MAP4K5: variants seen among roughly 807,000 people sequenced by gnomAD.
MAP4K5 encodes mitogen-activated protein kinase kinase kinase kinase 5.
Under a neutral mutation model 135.6 loss-of-function variants are expected in MAP4K5, and 82 were observed. The ratio of observed to expected loss-of-function variants is 0.60; its 90% CI spans 0.51 to 0.73. The LOEUF is 0.73. MAP4K5 is among the 30% of genes least tolerant of loss of function. The pLI is 0.00. For synonymous variants in MAP4K5, 347 were observed against 335.0 expected (o/e 1.04, Z -0.39); for missense variants, 907 against 1,010.9 (o/e 0.90, Z 1.39).
chr14:50,537,384 G>A (rs1420234586), upstream of MAP4K5, among the ~76,000 whole-genome samples: 1 of 152,212 alleles, frequency 6.6e-6, no homozygotes, highest in East Asian at 1.9e-4. Context: ...TGCAGGGGTA[G>A]TGCCCTCACG....
Position 50,476,152 on chromosome 14 carries a change from T to C in MAP4K5, c.445A>G (p.Thr149Ala). ...RDIKGANILL[T>A]DHGDVKLADF... ...CCTAATTTTACATCGCCATGGTCTG[T>C]CAATAAAATATTAGCACCCTAGAAC... The change falls in exon 8 of 33, where the codon ACA (threonine) becomes GCA (alanine). Residue 149 changes from threonine to alanine, a missense_variant. Thr to Ala is a moderately conservative substitution (Grantham distance 58, BLOSUM62 0). Transcript: ENST00000682126. 1 of 1,508,590 alleles carries C rather than the reference T, an allele frequency of 6.6e-7. No homozygotes were observed. Among genetic ancestry groups the C allele is most frequent in the Non-Finnish European group, 8.9e-7 (1 of 1,122,592 alleles). 93.5% of individuals were successfully genotyped at this position (1,508,590 alleles called of 1,614,324 possible). A position where few individuals can be genotyped will look rare whatever the true frequency, so the allele number is the denominator to read the frequency against.
chr14:50,476,049 T>C (rs1203369080), intron 8 of MAP4K5, 79 bp downstream of exon 8: 6 of 763,216 alleles, frequency 7.9e-6, no homozygotes, highest in Non-Finnish European at 1.2e-5. Flanking sequence ...ATGTTAATTC[T>C]CATTTAAAAT....
intron 3 of MAP4K5, among the ~76,000 whole-genome samples, chr14:50,501,070 G>C (rs747154296): frequency 6.6e-6 from 1 of 151,986 alleles, no homozygotes; most frequent in Non-Finnish European, 1.5e-5. Context: ...AATTGGTCAT[G>C]GCATTTATAA....
chr14:50,430,653 T>C (rs1432650607), intron 28 of MAP4K5, among the ~76,000 whole-genome samples: 1 of 152,208 alleles, frequency 6.6e-6, no homozygotes, highest in Non-Finnish European at 1.5e-5. Flanking sequence ...TCTTAGAATA[T>C]GTTTTTCTAT....
At chr14:50,432,604 C>CA (rs1188599133) in intron 28 of MAP4K5, among the ~76,000 whole-genome samples, 1 of 149,322 alleles carries the variant, frequency 6.7e-6, no homozygotes, top group Admixed American at 6.6e-5. Flanking sequence ...AAACATACCC[C>CA]AAAAGGAACT....
chr14:50,435,969 A>G (rs1193352199), intron 26 of MAP4K5, among the ~76,000 whole-genome samples: 2 of 152,274 alleles, frequency 1.3e-5, no homozygotes, highest in Non-Finnish European at 2.9e-5. Flanking sequence ...TGGGAATCTG[A>G]TAATAGATAT....
At chr14:50,544,798 A>G (rs566691205) in intron 1 of MAP4K5, among the ~76,000 whole-genome samples, 106 of 152,084 alleles carry the variant, frequency 7.0e-4, no homozygotes, top group Admixed American at 1.6e-3. Flanking sequence ...TTAGCCAGGC[A>G]TGGTGGCATG....
At position 50,506,038 on chromosome 14, in the gene MAP4K5, G is replaced by C. The variant is rs150548104; in HGVS notation, c.109-1181C>G. The stretch of plus-strand genomic sequence containing the variant: ...CCGTGGTACATCATATGTGGAAATG[G>C]AATTTACTAATTTATGACCTTTTTC... On this transcript the variant is annotated intron_variant, in intron 2 of 32. Transcript: ENST00000682126. Among the ~76,000 whole-genome samples, 5 of 152,126 alleles carry C rather than the reference G, an allele frequency of 3.3e-5. No homozygotes were observed. The East Asian group carries it at 9.6e-4, about 29-fold the overall frequency.
intron 9 of MAP4K5, chr14:50,472,217 A>G (rs1055252258): frequency 1.3e-5 from 2 of 152,490 alleles, no homozygotes; most frequent in African/African-American, 4.8e-5. Context: ...CTTGAAACAC[A>G]TGACAGAATT....
chr14:50,540,133 T>A (rs1209825590), intron 2 of MAP4K5, among the ~76,000 whole-genome samples: 1 of 152,180 alleles, frequency 6.6e-6, no homozygotes, highest in African/African-American at 2.4e-5. Flanking sequence ...CTGGTAGAGG[T>A]CAGGTGGCTC....
chr14:50,429,373 C>A, intron 28 of MAP4K5, 113 bp from the exon 29 acceptor site: 2 of 632,130 alleles, frequency 3.2e-6, no homozygotes, highest in Non-Finnish European at 2.7e-6. Context: ...AAATTTAACA[C>A]AGAATTTATA....
chr14:50,557,206 G>A (rs938514465), intron 1 of MAP4K5, among the ~76,000 whole-genome samples: 1 of 152,130 alleles, frequency 6.6e-6, no homozygotes, highest in African/African-American at 2.4e-5. Flanking sequence ...TTATTCTGGA[G>A]AATGTGAAAC....
chr14:50,552,159 A>G (rs1377688516), intron 1 of MAP4K5, among the ~76,000 whole-genome samples: 9 of 152,230 alleles, frequency 5.9e-5, no homozygotes, highest in Admixed American at 5.9e-4. Flanking sequence ...AGTTCAGTAA[A>G]GTTTCGGGAT....
chr14:50,543,291 T>C (rs1392383770), intron 1 of MAP4K5, among the ~76,000 whole-genome samples: 3 of 152,256 alleles, frequency 2.0e-5, no homozygotes, highest in African/African-American at 7.2e-5. Flanking sequence ...CCCAGTATGA[T>C]ACTGTTCCCT....
chr14:50,447,508 ATGTTACTT>A, intron 15 of MAP4K5, 27 bp from the exon 16 acceptor site: 2 of 1,350,468 alleles, frequency 1.5e-6, no homozygotes, highest in Non-Finnish European at 2.0e-6. Context: ...ATAGTTTAAA[ATGTTACTT>A]TGTAACAGGT....
chr14:50,517,087 T>C (rs897722661), intron 2 of MAP4K5, among the ~76,000 whole-genome samples: 1 of 152,098 alleles, frequency 6.6e-6, no homozygotes, highest in South Asian at 2.1e-4. Flanking sequence ...ATAGTAGTTA[T>C]AACATTAGAT....
intron 17 of MAP4K5, among the ~76,000 whole-genome samples, chr14:50,445,538 T>C (rs1308389597): frequency 6.6e-6 from 1 of 152,192 alleles, no homozygotes; most frequent in Non-Finnish European, 1.5e-5. Context: ...AATATTTTCT[T>C]CAATAAGCAA....
intron 1 of MAP4K5, among the ~76,000 whole-genome samples, chr14:50,544,220 C>T (rs776657713): frequency 6.6e-6 from 1 of 152,156 alleles, no homozygotes; most frequent in Non-Finnish European, 1.5e-5. Context: ...GGTGACCCCA[C>T]CAGATGAGGT....
intron 11 of MAP4K5, among the ~76,000 whole-genome samples, 163 bp from the exon 12 acceptor site, chr14:50,464,296 G>C (rs1251388799): frequency 6.6e-6 from 1 of 152,128 alleles, no homozygotes; most frequent in African/African-American, 2.4e-5. Context: ...TGTCAGTTTT[G>C]TCTTTCATAT....
Sources: gnomAD v4.1 joint callset for allele counts (sites outside exome capture counted in the v4.1 genomes callset) on GRCh38, gnomAD v4.1.1 for gene constraint, MANE v1.5 for transcripts, NCBI Gene and HGNC (gene_info 2026-07-23, HGNC 2026-07-21) for gene names.